CTNNA3: variants seen among roughly 807,000 people sequenced by gnomAD.
CTNNA3 encodes the protein catenin alpha-3.
CTNNA3 carries 76 observed loss-of-function variants against 95.7 expected under a neutral mutation model. That is an observed-to-expected ratio of 0.79 (90% confidence interval 0.66 to 0.96). CTNNA3 has a LOEUF of 0.96. Ranked by LOEUF, CTNNA3 falls within the 40% of genes least tolerant of loss-of-function variation. The pLI is 0.00. For synonymous variants in CTNNA3, 431 were observed against 374.4 expected, an observed-to-expected ratio of 1.15 and a Z score of -1.74; for missense variants, 1,191 against 1,089.8, an observed-to-expected ratio of 1.09 and a Z score of -1.31.
At chr10:67,526,000 AG>A (rs1840131871) in intron 4 of CTNNA3, among the ~76,000 whole-genome samples, 1 of 152,244 alleles carries the variant, frequency 6.6e-6, no homozygotes, top group Non-Finnish European at 1.5e-5. Context: ...GTGTGATCTT[AG>A]TGTCCCTAAA....
At chr10:67,729,645 G>A (rs1440549368) in intron 1 of CTNNA3, among the ~76,000 whole-genome samples, 6 of 151,980 alleles carry the variant, frequency 3.9e-5, no homozygotes, top group African/African-American at 1.4e-4. Flanking sequence ...TAATAAATTG[G>A]TTATTTCCAG....
Position 67,689,129 on chromosome 10 carries a change from T to C in CTNNA3, c.-6+6871A>G, listed in dbSNP as rs536490531. 9.2e-5 allele frequency among the ~76,000 whole-genome samples: 14 copies of C among 152,296 alleles called. No homozygotes were observed. The South Asian group carries it at 2.9e-3, about 32-fold the overall frequency. Reference sequence around the variant, plus strand: ...TAGTATTGGGACCTTACCACTGTCCTATAAAGATGTTATGCCCCAAAAATG... The same window carrying C: ...TAGTATTGGGACCTTACCACTGTCCCATAAAGATGTTATGCCCCAAAAATG... On this transcript the variant is annotated intron_variant, in intron 1 of 17. Transcript: ENST00000433211.
At chr10:66,133,834 T>C (rs2083234875) in intron 13 of CTNNA3, among the ~76,000 whole-genome samples, 2 of 152,152 alleles carry the variant, frequency 1.3e-5, no homozygotes, top group African/African-American at 4.8e-5. Flanking sequence ...AGGCTTGACA[T>C]AAAATGGATG....
intron 15 of CTNNA3, among the ~76,000 whole-genome samples, chr10:66,023,566 A>G (rs991437552): frequency 6.6e-6 from 1 of 152,222 alleles, no homozygotes; most frequent in African/African-American, 2.4e-5. Flanking sequence ...GATATTAGAT[A>G]AATTAAAGTA....
chr10:66,230,508 A>T (rs2089533599), intron 13 of CTNNA3, among the ~76,000 whole-genome samples: 1 of 152,142 alleles, frequency 6.6e-6, no homozygotes, highest in Non-Finnish European at 1.5e-5. Flanking sequence ...GGCTGCAATT[A>T]TTTGTGAAAT....
chr10:67,358,599 T>C (rs1842896399), intron 5 of CTNNA3, among the ~76,000 whole-genome samples: 1 of 151,468 alleles, frequency 6.6e-6, no homozygotes, highest in African/African-American at 2.4e-5. Flanking sequence ...ACCTCAGGAG[T>C]CCTAGCTACA....
At chr10:66,728,799 G>T (rs1439419329) in intron 9 of CTNNA3, among the ~76,000 whole-genome samples, 3 of 152,120 alleles carry the variant, frequency 2.0e-5, no homozygotes, top group Non-Finnish European at 4.4e-5. Flanking sequence ...TGTTTGCCAG[G>T]CTGATCTCGA....
intron 5 of CTNNA3, among the ~76,000 whole-genome samples, chr10:67,224,145 C>T (rs1485045967): frequency 6.6e-6 from 1 of 152,074 alleles, no homozygotes; most frequent in East Asian, 1.9e-4. Flanking sequence ...TTCAAGTAAG[C>T]AATACATTAT....
At chr10:66,504,384 A>G (rs1840381244) in intron 11 of CTNNA3, among the ~76,000 whole-genome samples, 1 of 152,182 alleles carries the variant, frequency 6.6e-6, no homozygotes, top group South Asian at 2.1e-4. Context: ...AAAATTCCCC[A>G]GGATGCTTTC....
At chr10:67,726,525 T>TATATA (rs1564841255) in intron 1 of CTNNA3, among the ~76,000 whole-genome samples, 5,830 of 72,088 alleles carry the variant, frequency 0.081, 323 homozygotes, top group African/African-American at 0.14. Context: ...TATATTATAT[T>TATATA]ATATATATTA....
intron 12 of CTNNA3, among the ~76,000 whole-genome samples, chr10:66,345,784 C>T (rs1267778598): frequency 6.6e-6 from 1 of 151,830 alleles, no homozygotes; most frequent in East Asian, 1.9e-4. Context: ...TGAAATATCC[C>T]ACATCTGAAA....
intron 11 of CTNNA3, among the ~76,000 whole-genome samples, chr10:66,391,369 A>C (rs577782118): frequency 7.9e-4 from 120 of 152,284 alleles, no homozygotes; most frequent in African/African-American, 2.8e-3. Flanking sequence ...TGTCTTAAGT[A>C]GGCTCTTGTA....
rs185430683 is a variant in CTNNA3 at position 67,448,009 on chromosome 10, T to C, written c.579+73833A>G. Among the ~76,000 whole-genome samples, 445 of 152,344 alleles carry C rather than the reference T, an allele frequency of 2.9e-3. 3 individuals are homozygous for C. Among genetic ancestry groups the C allele is most frequent in the African/African-American group, 0.01 (423 of 41,576 alleles). ...GTGCAACTCTGTATAGCTAGAGCTATAAAAGAGCTGAGCTTTTGGCTACAG... is the reference window on the plus strand; with the variant it reads ...GTGCAACTCTGTATAGCTAGAGCTACAAAAGAGCTGAGCTTTTGGCTACAG... On this transcript the variant is annotated intron_variant, in intron 5 of 17. Coordinates refer to ENST00000433211, the MANE Select transcript of CTNNA3 (RefSeq NM_013266.4).
chr10:66,867,754 T>A (rs1844236255), intron 7 of CTNNA3, among the ~76,000 whole-genome samples: 1 of 151,622 alleles, frequency 6.6e-6, no homozygotes, highest in Admixed American at 6.6e-5. Flanking sequence ...GCAATATGAG[T>A]CTACTATATC....
intron 12 of CTNNA3, among the ~76,000 whole-genome samples, chr10:66,318,063 C>T (rs1373063940): frequency 6.6e-6 from 1 of 151,986 alleles, no homozygotes; most frequent in Non-Finnish European, 1.5e-5. Flanking sequence ...AAATAACCTT[C>T]AGAGCCCCAT....
intron 11 of CTNNA3, among the ~76,000 whole-genome samples, chr10:66,394,367 T>C (rs1328149378): frequency 6.6e-6 from 1 of 151,962 alleles, no homozygotes; most frequent in Non-Finnish European, 1.5e-5. Context: ...TTGCATTTTA[T>C]GCCATTCTTA....
chr10:65,971,233 T>C (rs945091879), intron 16 of CTNNA3, among the ~76,000 whole-genome samples: 1 of 151,700 alleles, frequency 6.6e-6, no homozygotes, highest in Non-Finnish European at 1.5e-5. Flanking sequence ...AATTAATGAT[T>C]TCACATCATG....
chr10:67,229,594 A>G (rs912769003), intron 5 of CTNNA3, among the ~76,000 whole-genome samples: 1 of 152,232 alleles, frequency 6.6e-6, no homozygotes, highest in Non-Finnish European at 1.5e-5. Flanking sequence ...GAAAGGTCCT[A>G]GAACGATACA....
At chr10:67,225,955 T>G (rs1004961472) in intron 5 of CTNNA3, among the ~76,000 whole-genome samples, 54 of 151,994 alleles carry the variant, frequency 3.6e-4, no homozygotes, top group African/African-American at 6.5e-4. Context: ...TGAAACCTAA[T>G]GCAAGGAAAT....
Sources: gnomAD v4.1 joint callset for allele counts (sites outside exome capture counted in the v4.1 genomes callset) on GRCh38, gnomAD v4.1.1 for gene constraint, MANE v1.5 for transcripts, NCBI Gene and HGNC (gene_info 2026-07-23, HGNC 2026-07-21) for gene names.